APBA1: variants seen among roughly 807,000 people sequenced by gnomAD.
APBA1 encodes amyloid beta precursor protein binding family A member 1.
APBA1 carries 55 observed loss-of-function variants against 86.6 expected under a neutral mutation model. The ratio of observed to expected loss-of-function variants is 0.64; its 90% CI spans 0.51 to 0.80. The LOEUF is 0.80. APBA1 is among the 30% of genes least tolerant of loss of function. The pLI is 0.00. For missense variants in APBA1, 1,090 were observed against 1,183.0 expected (o/e 0.92, Z 1.15); for synonymous variants, 511 against 493.9 (o/e 1.03, Z -0.46).
intron 2 of APBA1, among the ~76,000 whole-genome samples, chr9:69,502,791 A>G (rs1274940592): frequency 6.6e-6 from 1 of 152,110 alleles, no homozygotes; most frequent in Non-Finnish European, 1.5e-5. Flanking sequence ...CACCTCAGCA[A>G]GCATCACTCC....
chr9:69,492,973 A>G (rs1835738213), intron 2 of APBA1, among the ~76,000 whole-genome samples: 1 of 152,090 alleles, frequency 6.6e-6, no homozygotes, highest in African/African-American at 2.4e-5. Context: ...AATTTCACGT[A>G]TGTAGAACGA....
intron 1 of APBA1, among the ~76,000 whole-genome samples, chr9:69,577,380 G>A (rs1275589982): frequency 1.3e-5 from 2 of 152,162 alleles, no homozygotes; most frequent in African/African-American, 4.8e-5. Flanking sequence ...GGAAGCTCTG[G>A]ACTGGACCAG....
At chr9:69,662,874 C>T (rs1181001596) in intron 1 of APBA1, among the ~76,000 whole-genome samples, 3 of 152,174 alleles carry the variant, frequency 2.0e-5, no homozygotes, top group African/African-American at 7.2e-5. Flanking sequence ...ATTCTTCTTA[C>T]TCCACTTTCC....
chr9:69,538,132 C>T (rs1197221219), intron 1 of APBA1, among the ~76,000 whole-genome samples: 1 of 152,200 alleles, frequency 6.6e-6, no homozygotes, highest in Non-Finnish European at 1.5e-5. Context: ...GGTAACCTCA[C>T]TGAAACCTAT....
chr9:69,549,337 C>A (rs1318235453), intron 1 of APBA1, among the ~76,000 whole-genome samples: 1 of 152,112 alleles, frequency 6.6e-6, no homozygotes, highest in Non-Finnish European at 1.5e-5. Context: ...TAAGCCCATG[C>A]CTGGGACACT....
intron 1 of APBA1, among the ~76,000 whole-genome samples, chr9:69,620,632 G>A (rs754978846): frequency 8.6e-5 from 13 of 151,930 alleles, no homozygotes; most frequent in East Asian, 3.9e-4. Context: ...AGCCGAGATC[G>A]TACCACTGCA....
chr9:69,630,670 T>G (rs1283904745), intron 1 of APBA1, among the ~76,000 whole-genome samples: 3 of 152,154 alleles, frequency 2.0e-5, no homozygotes, highest in Admixed American at 1.3e-4. Context: ...TCTGCTCCTC[T>G]GGCACACGGC....
At chr9:69,491,370 C>T (rs1194638721) in intron 2 of APBA1, among the ~76,000 whole-genome samples, 1 of 151,964 alleles carries the variant, frequency 6.6e-6, no homozygotes, top group Non-Finnish European at 1.5e-5. Context: ...AAACCAAACA[C>T]CGCATGTTCT....
chr9:69,557,117 A>G (rs1360639668), intron 1 of APBA1, among the ~76,000 whole-genome samples: 5 of 152,228 alleles, frequency 3.3e-5, no homozygotes, highest in African/African-American at 1.2e-4. Context: ...ATCCACGATC[A>G]TGAATACTAT....
chr9:69,517,123 C>T lies in APBA1; in HGVS notation c.88G>A (p.Glu30Lys), dbSNP rs568011984. Residue 30 changes from glutamate (E) to lysine (K), a missense_variant, in exon 2 of 13, where the codon GAG becomes AAG. By Grantham distance (56) the Glu-to-Lys change is moderately conservative. Around this residue, in one of 6 missense-constraint regions of APBA1, gnomAD observed 678 missense variants for 647.1 expected, o/e 1.05. Coordinates refer to ENST00000265381, the MANE Select transcript of APBA1 (RefSeq NM_001163.4). ...EVNESVEADL[E>K]HPEVEEEQQQ... ...TGTTCCTCTTCCACCTCGGGGTGCTCCAGGTCGGCCTCCACCGACTCGTTC... is the reference window on the plus strand; with the variant it reads ...TGTTCCTCTTCCACCTCGGGGTGCTTCAGGTCGGCCTCCACCGACTCGTTC... 2.5e-6 allele frequency: 4 copies of T among 1,572,080 alleles called. No homozygotes were observed. Among genetic ancestry groups the T allele is most frequent in the East Asian group, 2.3e-5 (1 of 42,624 alleles).
chr9:69,433,134 TC>T (rs753506393), intron 11 of APBA1, among the ~76,000 whole-genome samples: 4 of 152,170 alleles, frequency 2.6e-5, no homozygotes, highest in Admixed American at 6.5e-5. Context: ...GGAACTCCAC[TC>T]CGTGTTCCAA....
chr9:69,594,564 G>T (rs1054084576), intron 1 of APBA1, among the ~76,000 whole-genome samples: 1 of 152,168 alleles, frequency 6.6e-6, no homozygotes, highest in Non-Finnish European at 1.5e-5. Context: ...ACATTATAGA[G>T]GAAGGGAGGT....
chr9:69,584,961 G>A (rs1821990696), intron 1 of APBA1, among the ~76,000 whole-genome samples: 1 of 152,166 alleles, frequency 6.6e-6, no homozygotes, highest in South Asian at 2.1e-4. Flanking sequence ...ATGTGTCTGT[G>A]GACAGATTAG....
rs537040247 is a variant in APBA1, at chr9:69,608,311, G to A, written c.-70+63842C>T. Among the ~76,000 whole-genome samples the A allele has an allele frequency of 3.1e-4, 47 of 152,242 alleles. No individual in the cohort carries two copies. In the South Asian group the frequency reaches 9.1e-3, roughly 30 times the overall value. On this transcript the variant is annotated intron_variant, in intron 1 of 12. Transcript: ENST00000265381. ...GCCACAGTGATAAACTAATGCACCC[G>A]TACCAGATTAGGTACATCTTAATCC...
At chr9:69,651,313 G>A (rs1823494660) in intron 1 of APBA1, among the ~76,000 whole-genome samples, 1 of 152,176 alleles carries the variant, frequency 6.6e-6, no homozygotes, top group Admixed American at 6.5e-5. Context: ...TGCTGGCAAT[G>A]TTCTAGATCT....
intron 2 of APBA1, among the ~76,000 whole-genome samples, chr9:69,497,056 C>T (rs1835810178): frequency 6.6e-6 from 1 of 152,098 alleles, no homozygotes; most frequent in Admixed American, 6.5e-5. Flanking sequence ...AAAGCATCTA[C>T]CCAGTGTCTT....
At chr9:69,469,864 A>G (rs964020220) in intron 4 of APBA1, among the ~76,000 whole-genome samples, 2 of 152,228 alleles carry the variant, frequency 1.3e-5, no homozygotes, top group African/African-American at 4.8e-5. Flanking sequence ...GAACGATCTC[A>G]TCTGGGATAT....
intron 1 of APBA1, among the ~76,000 whole-genome samples, chr9:69,578,901 T>C (rs1188702481): frequency 3.9e-5 from 6 of 152,186 alleles, no homozygotes; most frequent in African/African-American, 1.2e-4. Context: ...TGTTAGCATA[T>C]ATTAGGCACT....
chr9:69,495,119 C>T (rs938683795), intron 2 of APBA1, among the ~76,000 whole-genome samples: 5 of 152,074 alleles, frequency 3.3e-5, no homozygotes, highest in African/African-American at 4.8e-5. Context: ...GTCGAGCAGC[C>T]TTTGCTCTGT....
Sources: gnomAD v4.1 joint callset for allele counts (sites outside exome capture counted in the v4.1 genomes callset) on GRCh38, gnomAD v4.1.1 for gene constraint, gnomAD v4.1.1 regional missense constraint, MANE v1.5 for transcripts, NCBI Gene and HGNC (gene_info 2026-07-23, HGNC 2026-07-21) for gene names.